DYNC2I1: variants seen among roughly 807,000 people sequenced by gnomAD.
The protein encoded by DYNC2I1 is cytoplasmic dynein 2 intermediate chain 1.
DYNC2I1 carries 89 observed loss-of-function variants against 133.4 expected under a neutral mutation model. The observed-to-expected ratio is 0.67, with a 90% confidence interval of 0.56 to 0.80. The LOEUF (loss-of-function observed/expected upper bound fraction) is 0.80, where lower values mean the gene tolerates loss of function less well. Ranked by LOEUF, DYNC2I1 falls within the 30% of genes least tolerant of loss-of-function variation. The pLI, the probability that DYNC2I1 is intolerant of heterozygous loss-of-function variation, is 0.00. For missense variants in DYNC2I1, 1,291 were observed against 1,314.5 expected, an observed-to-expected ratio of 0.98 and a Z score of 0.28; for synonymous variants, 504 against 484.3, an observed-to-expected ratio of 1.04 and a Z score of -0.54.
At position 158,916,595 on chromosome 7, in the gene DYNC2I1, G is replaced by A. The variant is rs71546421; in HGVS notation, c.1792-2145G>A. Among the ~76,000 whole-genome samples the A allele has an allele frequency of 3.4e-3, 172 of 50,236 alleles. 25 individuals carry two copies. In the East Asian group the frequency reaches 0.064, roughly 19 times the overall value. The allele number at this position is 50,236 out of a possible 152,430, so 33.0% of individuals were successfully genotyped here. The stretch of plus-strand genomic sequence containing the variant: ...ACATTAAGGATGATTGTGAAACGTC[G>A]ACACGCTGGTTGACATTAAGGATGA... On this transcript the variant is annotated intron_variant, in intron 14 of 24. Coordinates refer to ENST00000407559, the MANE Select transcript of DYNC2I1 (RefSeq NM_018051.5).
chr7:158,919,701 CTCTG>C (rs1356909545), intron 15 of DYNC2I1, among the ~76,000 whole-genome samples: 3 of 152,230 alleles, frequency 2.0e-5, no homozygotes, highest in South Asian at 2.1e-4. Flanking sequence ...ATTTACATTT[CTCTG>C]TCTTTTAACG....
rs114308317 is a variant in DYNC2I1 at position 158,891,895 on chromosome 7, C to T, written c.1059+562C>T. ...GACGGGGCCTCTGAAGGACGTAGCG[C>T]GGAGCTTGATGCAGAGCACGGCCTC... On this transcript the variant is annotated intron_variant, in intron 8 of 24. Coordinates refer to ENST00000407559, the MANE Select transcript of DYNC2I1 (RefSeq NM_018051.5). 9.2e-3 allele frequency among the ~76,000 whole-genome samples: 1,033 copies of T among 111,904 alleles called. 9 individuals are homozygous for T. The highest frequency in any genetic ancestry group is 0.029 in the African/African-American group (972 of 33,746). The allele number at this position is 111,904 out of a possible 152,430, so 73.4% of individuals were successfully genotyped here. A position where few individuals can be genotyped will look rare whatever the true frequency, so the allele number is the denominator to read the frequency against.
intron 8 of DYNC2I1, among the ~76,000 whole-genome samples, chr7:158,894,283 CTACTGCATATCA>C (rs778152131): frequency 2.6e-5 from 4 of 152,292 alleles, no homozygotes; most frequent in South Asian, 2.1e-4. Context: ...ACCACATGTC[CTACTGCATATCA>C]TACTGCATGT....
chr7:158,863,235 C>T (rs969059372), intron 1 of DYNC2I1, among the ~76,000 whole-genome samples: 13 of 151,744 alleles, frequency 8.6e-5, no homozygotes, highest in African/African-American at 1.5e-4. Context: ...TACAGAGTGC[C>T]GATTGGTGCG....
At chr7:158,929,149 A>C (rs553636497) in intron 20 of DYNC2I1, among the ~76,000 whole-genome samples, 41 of 152,202 alleles carry the variant, frequency 2.7e-4, no homozygotes, top group Non-Finnish European at 5.3e-4. Flanking sequence ...TGCCTTTAGG[A>C]AGGGAGGACG....
chr7:158,951,048 G>T (rs1250006122), downstream of DYNC2I1, among the ~76,000 whole-genome samples: 3 of 152,210 alleles, frequency 2.0e-5, no homozygotes, highest in South Asian at 2.1e-4. Flanking sequence ...TGTTGTCCAC[G>T]TTTTCCATCA....
intron 1 of DYNC2I1, among the ~76,000 whole-genome samples, chr7:158,868,060 G>T (rs554838830): frequency 3.5e-4 from 54 of 152,216 alleles, no homozygotes; most frequent in African/African-American, 1.2e-3. Flanking sequence ...CTCCAGCCTG[G>T]GTGACAGAAC....
At chr7:158,888,560 C>T (rs1844852122) in intron 7 of DYNC2I1, among the ~76,000 whole-genome samples, 1 of 151,938 alleles carries the variant, frequency 6.6e-6, no homozygotes, top group Non-Finnish European at 1.5e-5. Flanking sequence ...CAACCTCTGC[C>T]TCCTGGGTTC....
the DYNC2I1 span, among the ~76,000 whole-genome samples, chr7:158,848,796 C>T: frequency 0.16 from 24,972 of 152,028 alleles, 2,585 homozygotes; most frequent in Middle Eastern, 0.28. Context: ...TGGTGGCAGG[C>T]GCCTGTAGTC....
At chr7:158,923,982 G>GAA (rs1430015094) in intron 17 of DYNC2I1, among the ~76,000 whole-genome samples, 1 of 152,198 alleles carries the variant, frequency 6.6e-6, no homozygotes, top group Non-Finnish European at 1.5e-5. Context: ...AATCCTCAAT[G>GAA]AAATTACCTT....
rs571952764 is a variant in DYNC2I1, at chr7:158,856,675, G to C, written c.-61G>C. ...GGTGCGGGGCACAGGTGGCCTCTTC[G>C]GGGTGGACCGCGCCTGGCCGGGGCC... On this transcript the variant is annotated 5_prime_UTR_variant, in exon 1 of 25. Coordinates refer to ENST00000407559, the MANE Select transcript of DYNC2I1 (RefSeq NM_018051.5). 7.5e-4 allele frequency: 923 copies of C among 1,231,442 alleles called. 6 individuals carry two copies. The African/African-American group carries it at 0.013, about 17-fold the overall frequency. 76.3% of individuals were successfully genotyped at this position (1,231,442 alleles called of 1,614,324 possible).
downstream of DYNC2I1, among the ~76,000 whole-genome samples, chr7:158,947,222 T>A (rs2129490045): frequency 6.6e-6 from 1 of 152,236 alleles, no homozygotes; most frequent in East Asian, 1.9e-4. Flanking sequence ...GGCCTCTCTC[T>A]GCATCTTCGC....
Position 158,871,115 on chromosome 7 carries a change from G to A in DYNC2I1, c.70-27G>A, listed in dbSNP as rs368263052. The A allele has an allele frequency of 1.9e-5, 31 of 1,589,960 alleles. No homozygotes were observed. The highest frequency in any genetic ancestry group is 1.5e-4 in the South Asian group (13 of 87,366). ...AATGGAAATCTGCCTTCCTGGTCAC[G>A]GAGGACCCTTTGTTCTCTTGTTTCA... On this transcript the variant is annotated intron_variant, in intron 2 of 24. Coordinates refer to ENST00000407559, the MANE Select transcript of DYNC2I1 (RefSeq NM_018051.5).
intron 15 of DYNC2I1, 69 bp from the exon 16 acceptor site, chr7:158,922,308 G>A: frequency 2.7e-6 from 4 of 1,497,658 alleles, no homozygotes; most frequent in Non-Finnish European, 3.7e-6. Context: ...TGAGTATTCG[G>A]AAGTGTGTTA....
Position 158,862,696 on chromosome 7 carries a change from C to T in DYNC2I1, c.15+5946C>T, listed in dbSNP as rs142006456. Reference sequence around the variant, plus strand: ...GATAGCACTGTGTCCGGAGTTGGTTCCTTCTGGTGGGTTCTTGGTCTCGCT... The same window carrying T: ...GATAGCACTGTGTCCGGAGTTGGTTTCTTCTGGTGGGTTCTTGGTCTCGCT... On this transcript the variant is annotated intron_variant, in intron 1 of 24. Coordinates refer to ENST00000407559, the MANE Select transcript of DYNC2I1 (RefSeq NM_018051.5). Among the ~76,000 whole-genome samples the T allele has an allele frequency of 6.3e-3, 962 of 152,024 alleles. 8 individuals are homozygous for T. Among genetic ancestry groups the T allele is most frequent in the Admixed American group, 0.022 (342 of 15,248 alleles).
At chr7:158,884,055 T>TA (rs2129479956) in intron 5 of DYNC2I1, among the ~76,000 whole-genome samples, 1 of 150,362 alleles carries the variant, frequency 6.7e-6, no homozygotes, top group African/African-American at 2.4e-5. Context: ...AATTTTTTTT[T>TA]TTTTTTTGAG....
chr7:158,950,392 C>G (rs572016519), downstream of DYNC2I1, among the ~76,000 whole-genome samples: 31 of 152,084 alleles, frequency 2.0e-4, no homozygotes, highest in African/African-American at 7.5e-4. Context: ...GCACCAGGAC[C>G]AGCCTCTATA....
At chr7:158,843,255 C>T in the DYNC2I1 span, among the ~76,000 whole-genome samples, 22 of 151,836 alleles carry the variant, frequency 1.4e-4, 3 homozygotes, top group African/African-American at 3.1e-4. Flanking sequence ...CCACCATGCC[C>T]GGCCAGTTTT....
chr7:158,879,597 C>T (rs978439416), intron 4 of DYNC2I1, 87 bp from the exon 5 acceptor site: 30 of 1,395,082 alleles, frequency 2.2e-5, no homozygotes, highest in South Asian at 1.5e-4. Context: ...TGGTTGGATC[C>T]GTCGTTGCAG....
Sources: gnomAD v4.1 joint callset for allele counts (sites outside exome capture counted in the v4.1 genomes callset) on GRCh38, gnomAD v4.1.1 for gene constraint, MANE v1.5 for transcripts, NCBI Gene and HGNC (gene_info 2026-07-23, HGNC 2026-07-21) for gene names.